The following CADM2 variants were observed in gnomAD, a reference collection of about 807,000 sequenced individuals.
CADM2 encodes the protein immunoglobulin superfamily member 4D.
CADM2 carries 12 observed loss-of-function variants against 49.8 expected under a neutral mutation model. That is an observed-to-expected ratio of 0.24 (90% CI 0.15 to 0.39). The LOEUF (loss-of-function observed/expected upper bound fraction) is 0.39. CADM2 is among the 10% of genes least tolerant of loss of function. CADM2 has a pLI of 1.00. For synonymous variants in CADM2, 214 were observed against 175.4 expected, an observed-to-expected ratio of 1.22 and a Z score of -1.74; for missense variants, 378 against 492.3, an observed-to-expected ratio of 0.77 and a Z score of 2.20.
chr3:85,829,339 G>A (rs1183502688), intron 3 of CADM2, among the ~76,000 whole-genome samples: 1 of 151,626 alleles, frequency 6.6e-6, no homozygotes, highest in Non-Finnish European at 1.5e-5. Flanking sequence ...ATGTACTAGA[G>A]TGAGATATTT....
At chr3:85,329,986 G>A (rs1279249153) in intron 1 of CADM2, among the ~76,000 whole-genome samples, 3 of 152,138 alleles carry the variant, frequency 2.0e-5, no homozygotes, top group African/African-American at 7.2e-5. Flanking sequence ...ATTGGCTGCT[G>A]TTTAGGAGAT....
chr3:84,972,786 G>T (rs1216934264), intron 1 of CADM2, among the ~76,000 whole-genome samples: 3 of 152,180 alleles, frequency 2.0e-5, no homozygotes, highest in Admixed American at 2.0e-4. Context: ...TAAAATGCTG[G>T]ATGTATAAAT....
intron 1 of CADM2, among the ~76,000 whole-genome samples, chr3:85,048,172 A>T (rs926816094): frequency 2.6e-5 from 4 of 152,186 alleles, no homozygotes; most frequent in Non-Finnish European, 4.4e-5. Flanking sequence ...TTGGTTCACA[A>T]ATAAAGTAGT....
intron 1 of CADM2, among the ~76,000 whole-genome samples, chr3:85,599,776 A>T (rs1406193036): frequency 1.3e-5 from 2 of 151,962 alleles, no homozygotes; most frequent in Non-Finnish European, 2.9e-5. Flanking sequence ...AGAACAGCAA[A>T]AATAACGATA....
chr3:85,143,499 T>C (rs1440720620), intron 1 of CADM2, among the ~76,000 whole-genome samples: 1 of 152,166 alleles, frequency 6.6e-6, no homozygotes, highest in South Asian at 2.1e-4. Flanking sequence ...TTAATATGAT[T>C]GTGAAAATCA....
At chr3:85,392,852 A>T (rs9872886) in intron 1 of CADM2, among the ~76,000 whole-genome samples, 13,576 of 152,100 alleles carry the variant, frequency 0.089, 1,973 homozygotes, top group African/African-American at 0.31. Flanking sequence ...ATTTGTAATG[A>T]TATTTTTCTC....
chr3:85,393,740 C>A (rs968838988), intron 1 of CADM2, among the ~76,000 whole-genome samples: 26 of 151,542 alleles, frequency 1.7e-4, no homozygotes, highest in Admixed American at 1.6e-3. Flanking sequence ...CCCTTTTGTG[C>A]GTAAATCTCC....
At chr3:85,285,172 C>T (rs556112807) in intron 1 of CADM2, among the ~76,000 whole-genome samples, 1 of 152,176 alleles carries the variant, frequency 6.6e-6, no homozygotes, top group South Asian at 2.1e-4. Context: ...GAGTTTCAGA[C>T]AAAGATGGTT....
chr3:86,022,691 C>T (rs1480057083), intron 8 of CADM2, among the ~76,000 whole-genome samples: 1 of 152,006 alleles, frequency 6.6e-6, no homozygotes, highest in African/African-American at 2.4e-5. Context: ...CATACACACA[C>T]ATGCACTTAG....
At chr3:85,500,363 T>C (rs2040066067) in intron 1 of CADM2, among the ~76,000 whole-genome samples, 1 of 152,128 alleles carries the variant, frequency 6.6e-6, no homozygotes, top group African/African-American at 2.4e-5. Flanking sequence ...AGTTTCCAGC[T>C]CCGAAATTGG....
chr3:85,985,102 A>C, intron 8 of CADM2, among the ~76,000 whole-genome samples: 1 of 152,062 alleles, frequency 6.6e-6, no homozygotes, highest in African/African-American at 2.4e-5. Context: ...GGGGTGCTAT[A>C]ATGAAATTTA....
chr3:85,372,922 C>T (rs2033356029), intron 1 of CADM2, among the ~76,000 whole-genome samples: 1 of 152,064 alleles, frequency 6.6e-6, no homozygotes, highest in Non-Finnish European at 1.5e-5. Context: ...GATTCTATTA[C>T]CTCACACCAG....
intron 1 of CADM2, among the ~76,000 whole-genome samples, chr3:85,463,763 C>A (rs576307486): frequency 6.6e-6 from 1 of 152,112 alleles, no homozygotes; most frequent in Admixed American, 6.6e-5. Flanking sequence ...TAAAAACCAA[C>A]AGTTCAATAT....
At chr3:85,494,885 G>T (rs554771154) in intron 1 of CADM2, among the ~76,000 whole-genome samples, 1 of 152,242 alleles carries the variant, frequency 6.6e-6, no homozygotes, top group East Asian at 1.9e-4. Flanking sequence ...TCACAATGCG[G>T]ATGAAAACAC....
At chr3:85,434,161 G>A (rs1252841933) in intron 1 of CADM2, among the ~76,000 whole-genome samples, 2 of 151,588 alleles carry the variant, frequency 1.3e-5, no homozygotes, top group African/African-American at 4.8e-5. Context: ...ATTATTTTCA[G>A]TAGAAAGAAA....
chr3:86,063,978 T>C (rs1419266042), intron 8 of CADM2, among the ~76,000 whole-genome samples: 1 of 152,136 alleles, frequency 6.6e-6, no homozygotes, highest in Non-Finnish European at 1.5e-5. Context: ...TATAAAGAGC[T>C]AATTTTCCAA....
intron 1 of CADM2, among the ~76,000 whole-genome samples, chr3:85,365,623 G>T (rs947315417): frequency 2.0e-5 from 3 of 152,040 alleles, no homozygotes; most frequent in African/African-American, 7.2e-5. Flanking sequence ...TGTGTTGTTT[G>T]TTAGTTGTTC....
chr3:85,531,189 T>A (rs896826400), intron 1 of CADM2, among the ~76,000 whole-genome samples: 7 of 152,102 alleles, frequency 4.6e-5, no homozygotes, highest in Non-Finnish European at 8.8e-5. Flanking sequence ...TCATTATTAT[T>A]TTGATTCATT....
intron 1 of CADM2, among the ~76,000 whole-genome samples, chr3:85,447,945 C>T (rs1400312614): frequency 6.6e-6 from 1 of 151,966 alleles, no homozygotes; most frequent in Non-Finnish European, 1.5e-5. Flanking sequence ...ATATCCTGAC[C>T]CTTTCTATGT....
Sources: allele counts gnomAD v4.1 joint callset (sites outside exome capture counted in the v4.1 genomes callset), GRCh38; gene constraint gnomAD v4.1.1; transcripts MANE v1.5; gene names NCBI Gene and HGNC (gene_info 2026-07-23, HGNC 2026-07-21).